Variants in MALRD1 observed in about 807,000 individuals in gnomAD.
MALRD1 encodes MAM and LDL-receptor class A domain-containing protein 1.
A neutral mutation model predicts 242.1 loss-of-function variants in MALRD1; 247 were observed. The observed-to-expected ratio is 1.02, with a 90% CI of 0.92 to 1.13. The LOEUF (loss-of-function observed/expected upper bound fraction) is 1.13. Ranked by LOEUF, MALRD1 falls within the 50% of genes most tolerant of loss-of-function variation. The pLI, the probability that MALRD1 is intolerant of heterozygous loss-of-function variation, is 0.00. For synonymous variants in MALRD1, 995 were observed against 866.6 expected, an observed-to-expected ratio of 1.15 and a Z score of -2.60; for missense variants, 2,989 against 2,533.1, an observed-to-expected ratio of 1.18 and a Z score of -3.86.
intron 33 of MALRD1, among the ~76,000 whole-genome samples, chr10:19,572,215 G>A (rs74122010): frequency 1.8e-4 from 28 of 152,258 alleles, no homozygotes; most frequent in Non-Finnish European, 3.1e-4. Context: ...GAAATAGAGC[G>A]TCTCCAGAAA....
intron 18 of MALRD1, among the ~76,000 whole-genome samples, chr10:19,228,413 G>T (rs150317484): frequency 6.6e-6 from 1 of 152,250 alleles, no homozygotes; most frequent in Admixed American, 6.5e-5. Flanking sequence ...ATGCAAAACA[G>T]CAAAAGAAAA....
At chr10:19,520,802 AC>A (rs1833845663) in intron 31 of MALRD1, among the ~76,000 whole-genome samples, 1 of 152,062 alleles carries the variant, frequency 6.6e-6, no homozygotes, top group African/African-American at 2.4e-5. Context: ...TCAGCTATTC[AC>A]CCCATCAAAC....
In MALRD1 at chr10:19,133,936, G is replaced by A; in HGVS notation, c.1191G>A (p.Leu397=). The part of the protein sequence containing the change: ...VKADVLIPED[L]KTFKIIFEGT... Reference sequence around the variant, plus strand: ...CAGATGTGTTAATACCAGAAGATCTGAAGACATTTAAGGTATGAAAGAAAA... The same window carrying A: ...CAGATGTGTTAATACCAGAAGATCTAAAGACATTTAAGGTATGAAAGAAAA... Residue 397 remains leucine (L), a synonymous_variant, in exon 9 of 40, where the codon CTG becomes CTA. Transcript: ENST00000454679. The A allele has an allele frequency of 8.2e-7, 1 of 1,226,568 alleles. No individual in the cohort carries two copies. The highest frequency in any genetic ancestry group is 1.0e-6 in the Non-Finnish European group (1 of 983,614). The allele number at this position is 1,226,568 out of a possible 1,614,324, so 76.0% of individuals were successfully genotyped here.
chr10:19,218,366 G>C (rs577671379), intron 18 of MALRD1, among the ~76,000 whole-genome samples: 1 of 152,120 alleles, frequency 6.6e-6, no homozygotes, highest in East Asian at 1.9e-4. Flanking sequence ...TTATGAACAG[G>C]CTACTCTGTT....
intron 28 of MALRD1, among the ~76,000 whole-genome samples, chr10:19,430,233 G>A (rs1171029668): frequency 6.8e-6 from 1 of 146,178 alleles, no homozygotes; most frequent in African/African-American, 2.6e-5. Flanking sequence ...TTCTGCCTGA[G>A]CCTCCCAAGT....
intron 34 of MALRD1, among the ~76,000 whole-genome samples, chr10:19,603,201 G>T (rs1165334277): frequency 6.6e-6 from 1 of 152,110 alleles, no homozygotes; most frequent in African/African-American, 2.4e-5. Flanking sequence ...AGTTTAATTA[G>T]ATCTCATTTG....
Position 19,397,986 on chromosome 10 carries a change from T to C in MALRD1, c.4845+8377T>C, listed in dbSNP as rs530333785. 8.5e-5 allele frequency among the ~76,000 whole-genome samples: 13 copies of C among 152,216 alleles called. No homozygotes were observed. In the East Asian group the frequency reaches 2.3e-3, roughly 27 times the overall value. ...TAAGACTCATGTATATTAAGGTCTT[T>C]TTCCCATTGTCTAATCAGATTATTT... On this transcript the variant is annotated intron_variant, in intron 28 of 39. Transcript: ENST00000454679.
chr10:19,489,102 C>A, intron 29 of MALRD1: 1 of 463,242 alleles, frequency 2.2e-6, no homozygotes, highest in South Asian at 1.5e-5. Context: ...CCAGAATGCC[C>A]AAGAGGAAGG....
chr10:19,689,123 G>C (rs1181212383), intron 36 of MALRD1, among the ~76,000 whole-genome samples: 1 of 152,166 alleles, frequency 6.6e-6, no homozygotes, highest in African/African-American at 2.4e-5. Flanking sequence ...ACAGACATCT[G>C]ACCTTAAGAA....
At position 19,113,819 on chromosome 10, in the gene MALRD1, A is replaced by T. The variant is rs12218565; in HGVS notation, c.695-9673A>T. Among the ~76,000 whole-genome samples the T allele has an allele frequency of 9.1e-3, 1,338 of 147,150 alleles. 21 individuals are homozygous for T. The highest frequency in any genetic ancestry group is 0.028 in the African/African-American group (1,112 of 40,346). On this transcript the variant is annotated intron_variant, in intron 5 of 39. Coordinates refer to ENST00000454679, the MANE Select transcript of MALRD1 (RefSeq NM_001142308.3). ...CACACACACACACACACACACACAC[A>T]CACACACACACAGACACACACACAC...
At chr10:19,513,367 C>G (rs760938034) in intron 31 of MALRD1, among the ~76,000 whole-genome samples, 14 of 151,916 alleles carry the variant, frequency 9.2e-5, no homozygotes, top group Non-Finnish European at 4.4e-5. Flanking sequence ...CACCAGAAGC[C>G]AAGCAGATAC....
chr10:19,240,510 A>C (rs1304337240), intron 18 of MALRD1, among the ~76,000 whole-genome samples: 2 of 152,044 alleles, frequency 1.3e-5, no homozygotes, highest in Non-Finnish European at 2.9e-5. Context: ...CATTTTCTAC[A>C]AACAGAAACA....
intron 14 of MALRD1, among the ~76,000 whole-genome samples, chr10:19,203,333 C>T (rs1309683348): frequency 6.6e-6 from 1 of 151,986 alleles, no homozygotes; most frequent in Non-Finnish European, 1.5e-5. Context: ...GAAGTAGTAG[C>T]TTTTCATGAT....
At chr10:19,065,011 G>A (rs1447801441) in intron 1 of MALRD1, among the ~76,000 whole-genome samples, 1 of 151,946 alleles carries the variant, frequency 6.6e-6, no homozygotes, top group African/African-American at 2.4e-5. Context: ...AAAAGGGCCG[G>A]GTGCGGTTGC....
At position 19,471,019 on chromosome 10, in the gene MALRD1, C is replaced by T. The variant is rs896514384; in HGVS notation, c.5030-20498C>T. ...ACATCCAAAAATTTATTGCCAAGAT[C>T]AATGTCAAGGAAATTTTCCCCTATC... On this transcript the variant is annotated intron_variant, in intron 29 of 39. Coordinates refer to ENST00000454679, the MANE Select transcript of MALRD1 (RefSeq NM_001142308.3). Among the ~76,000 whole-genome samples, 14 of 151,890 alleles carry T rather than the reference C, an allele frequency of 9.2e-5. No homozygotes were observed. The East Asian group carries it at 2.7e-3, about 29-fold the overall frequency.
At chr10:19,567,378 A>T in intron 32 of MALRD1, 124 bp from the exon 33 acceptor site, 1 of 834,862 alleles carries the variant, frequency 1.2e-6, no homozygotes, top group Non-Finnish European at 1.8e-6. Context: ...ACAGATAGAA[A>T]ATACAATAGT....
chr10:19,200,485 A>T (rs1351631872), intron 14 of MALRD1, among the ~76,000 whole-genome samples: 6 of 152,104 alleles, frequency 3.9e-5, no homozygotes, highest in Non-Finnish European at 7.4e-5. Context: ...CCAAATTACC[A>T]GCTCAGACTT....
chr10:19,575,202 C>A (rs529453630), intron 33 of MALRD1, among the ~76,000 whole-genome samples: 2 of 152,240 alleles, frequency 1.3e-5, no homozygotes, highest in Non-Finnish European at 1.5e-5. Flanking sequence ...TCATGGGATG[C>A]AAAACCCACA....
intron 38 of MALRD1, among the ~76,000 whole-genome samples, chr10:19,727,563 T>C (rs1015874978): frequency 2.0e-5 from 3 of 152,172 alleles, no homozygotes; most frequent in African/African-American, 7.2e-5. Flanking sequence ...GAATGCATGA[T>C]AAGGGAGAAA....
Sources: gnomAD v4.1 joint callset for allele counts (sites outside exome capture counted in the v4.1 genomes callset) on GRCh38, gnomAD v4.1.1 for gene constraint, MANE v1.5 for transcripts, NCBI Gene and HGNC (gene_info 2026-07-23, HGNC 2026-07-21) for gene names.